HS6ST2: variants seen among roughly 807,000 people sequenced by gnomAD.
HS6ST2 encodes heparan sulfate 6-O-sulfotransferase 2.
In HS6ST2, 17 loss-of-function variants were observed where a neutral mutation model predicts 33.0. The ratio of observed to expected loss-of-function variants is 0.52; its 90% CI spans 0.35 to 0.77. The LOEUF (loss-of-function observed/expected upper bound fraction) is 0.77. Ranked by LOEUF, HS6ST2 falls within the 30% of genes least tolerant of loss-of-function variation. The pLI, the probability that HS6ST2 is intolerant of heterozygous loss-of-function variation, is 0.01. For missense variants in HS6ST2, 519 were observed against 551.7 expected (o/e 0.94, Z 0.59); for synonymous variants, 248 against 237.1 (o/e 1.05, Z -0.42).
intron 4 of HS6ST2, among the ~76,000 whole-genome samples, chrX:132,661,330 G>T (rs1320684093): frequency 6.6e-5 from 7 of 105,460 alleles, no homozygotes; most frequent in Non-Finnish European, 1.2e-4. Context: ...AAAAAAAAAA[G>T]CTCCTAAAAC....
At chrX:132,805,424 C>A (rs113958489) in intron 2 of HS6ST2, among the ~76,000 whole-genome samples, 7 of 104,480 alleles carry the variant, frequency 6.7e-5, no homozygotes, top group African/African-American at 2.3e-4. Context: ...TCCTCTACAG[C>A]CTCCCTGCCT....
At position 132,839,836 on chromosome X, in the gene HS6ST2, G is replaced by A. The variant is rs952056897; in HGVS notation, c.947+116972C>T. 2.7e-5 allele frequency among the ~76,000 whole-genome samples: 3 copies of A among 111,146 alleles called. No homozygotes were observed. In the Admixed American group the frequency reaches 2.9e-4, roughly 11 times the overall value. ...TATCCTCTTCAAATTAGAACCTCTG[G>A]CCGGGCACGGTGGTTCATGTCTGTG... On this transcript the variant is annotated intron_variant, in intron 2 of 4. Transcript: ENST00000370833.
At chrX:132,816,522 T>C (rs962165557) in intron 2 of HS6ST2, among the ~76,000 whole-genome samples, 1 of 111,873 alleles carries the variant, frequency 8.9e-6, no homozygotes, top group African/African-American at 3.3e-5. Flanking sequence ...TGATTGTCAA[T>C]GACTGTTTTC....
chrX:132,956,753 C>CCA, intron 2 of HS6ST2, 55 bp downstream of exon 2: 1 of 1,115,168 alleles, frequency 9.0e-7, no homozygotes, highest in Non-Finnish European at 1.2e-6. Flanking sequence ...GCCGCGCCTC[C>CCA]CAGCCCTCCG....
At chrX:132,739,738 C>T (rs1383514040) in intron 2 of HS6ST2, among the ~76,000 whole-genome samples, 1 of 108,404 alleles carries the variant, frequency 9.2e-6, no homozygotes, top group Non-Finnish European at 1.9e-5. Flanking sequence ...AAAGGTATAT[C>T]GTACAAAGAG....
rs187567949 is a variant in HS6ST2, at chrX:132,669,168, C to T, written c.1012G>A (p.Ala338Thr). ...GTGGATGACGGAGAGTTGGCGCCTG[C>T]GTTAGTGTTTGGAGAACCCCGTTTA... Reference protein sequence around the residue: ...KDKRGSPNTNAGANSPSSTKT... With the variant: ...KDKRGSPNTNTGANSPSSTKT... Residue 338 changes from alanine (A) to threonine (T), a missense_variant, in exon 4 of 5, where the codon GCA becomes ACA. Ala to Thr is a moderately conservative substitution (Grantham distance 58). Transcript: ENST00000370833. 3,423 of 1,207,240 alleles carry T rather than the reference C, an allele frequency of 2.8e-3. 8 individuals are homozygous for T. Among genetic ancestry groups the T allele is most frequent in the Middle Eastern group, 5.5e-3 (24 of 4,346 alleles).
intron 2 of HS6ST2, among the ~76,000 whole-genome samples, chrX:132,767,279 C>T (rs1480064165): frequency 5.4e-5 from 6 of 112,105 alleles, no homozygotes; most frequent in Non-Finnish European, 7.5e-5. Context: ...AGTGCAGTGG[C>T]GTAATCACAG....
chrX:132,808,573 T>C (rs1018357703), intron 2 of HS6ST2: 3 of 112,216 alleles, frequency 2.7e-5, no homozygotes, highest in Non-Finnish European at 5.6e-5. Context: ...TTTACAGAAC[T>C]GTAGGAACCT....
At chrX:132,809,264 T>C (rs188334004) in intron 2 of HS6ST2, among the ~76,000 whole-genome samples, 35 of 111,814 alleles carry the variant, frequency 3.1e-4, no homozygotes, top group Non-Finnish European at 5.6e-4. Context: ...GCTGGGATTA[T>C]AGGCATGAGC....
intron 2 of HS6ST2, among the ~76,000 whole-genome samples, chrX:132,852,153 A>T (rs898920401): frequency 9.0e-6 from 1 of 111,283 alleles, no homozygotes; most frequent in Admixed American, 9.6e-5. Flanking sequence ...AAAAAAAGAG[A>T]GAAATTTGTG....
intron 4 of HS6ST2, among the ~76,000 whole-genome samples, chrX:132,658,457 G>T (rs996643105): frequency 8.1e-5 from 9 of 110,497 alleles, no homozygotes; most frequent in African/African-American, 1.3e-4. Context: ...TGCCTGTAAA[G>T]TTGTAAAATA....
At chrX:132,778,011 C>G (rs533870218) in intron 2 of HS6ST2, among the ~76,000 whole-genome samples, 1 of 111,850 alleles carries the variant, frequency 8.9e-6, no homozygotes. Context: ...CAGCAGACAC[C>G]GGGCTATGCT....
At chrX:132,695,656 A>G (rs970491286) in intron 3 of HS6ST2, among the ~76,000 whole-genome samples, 1 of 111,951 alleles carries the variant, frequency 8.9e-6, no homozygotes, top group Non-Finnish European at 1.9e-5. Context: ...ATCCATCTGT[A>G]AGTCCTCATC....
intron 2 of HS6ST2, among the ~76,000 whole-genome samples, chrX:132,746,293 G>A (rs184379100): frequency 5.0e-4 from 56 of 111,049 alleles, no homozygotes; most frequent in Non-Finnish European, 8.5e-4. Context: ...ATGAGGTCAG[G>A]AGATCGAGAC....
At chrX:132,847,402 A>C (rs765913192) in intron 2 of HS6ST2, among the ~76,000 whole-genome samples, 3 of 111,647 alleles carry the variant, frequency 2.7e-5, no homozygotes, top group East Asian at 5.7e-4. Flanking sequence ...GTCTCCAGAC[A>C]TTGCCAAATG....
At chrX:132,776,306 A>G (rs2064957806) in intron 2 of HS6ST2, among the ~76,000 whole-genome samples, 1 of 112,357 alleles carries the variant, frequency 8.9e-6, no homozygotes, top group Admixed American at 9.5e-5. Flanking sequence ...GCTAATCTAA[A>G]AGACCTAATG....
Position 132,917,455 on chromosome X carries a change from C to T in HS6ST2, c.947+39353G>A, listed in dbSNP as rs202243164. ...CTCTACTAAAAACACAAAAAATTAG[C>T]GGGGCATGGTGGTGTGTGCCTGTAG... On this transcript the variant is annotated intron_variant, in intron 2 of 4. Coordinates refer to ENST00000370833, the MANE Select transcript of HS6ST2 (RefSeq NM_001394073.1). Among the ~76,000 whole-genome samples the T allele has an allele frequency of 6.3e-5, 7 of 110,602 alleles. No homozygotes were observed. In the East Asian group the frequency reaches 8.6e-4, roughly 14 times the overall value.
chrX:132,883,777 C>T (rs2066213213), intron 2 of HS6ST2, among the ~76,000 whole-genome samples: 2 of 111,268 alleles, frequency 1.8e-5, no homozygotes, highest in South Asian at 7.6e-4. Flanking sequence ...TAACTGACAC[C>T]GTCTTGCTTT....
chrX:132,650,979 G>A (rs1295753505), intron 4 of HS6ST2, among the ~76,000 whole-genome samples: 1 of 110,712 alleles, frequency 9.0e-6, no homozygotes, highest in East Asian at 2.9e-4. Context: ...TGTTGCCCAG[G>A]CTTGTCTTGA....
Sources: allele counts gnomAD v4.1 joint callset (sites outside exome capture counted in the v4.1 genomes callset), GRCh38; gene constraint gnomAD v4.1.1; transcripts MANE v1.5; gene names NCBI Gene and HGNC (gene_info 2026-07-23, HGNC 2026-07-21).